Variants in KCNQ5 observed in about 807,000 individuals in gnomAD.
KCNQ5 encodes the protein potassium voltage-gated channel subfamily KQT member 5.
Under a neutral mutation model 98.2 loss-of-function variants are expected in KCNQ5, and 30 were observed. That is an observed-to-expected ratio of 0.31 (90% confidence interval 0.23 to 0.41). The LOEUF (loss-of-function observed/expected upper bound fraction) is 0.41, where lower values mean the gene tolerates loss of function less well. Ranked by LOEUF, KCNQ5 falls within the 10% of genes least tolerant of loss-of-function variation. The pLI, the probability that KCNQ5 is intolerant of heterozygous loss-of-function variation, is 1.00. For synonymous variants in KCNQ5, 458 were observed against 449.4 expected (o/e 1.02, Z -0.24); for missense variants, 835 against 1,182.5 (o/e 0.71, Z 4.31).
At chr6:72,674,703 G>C (rs534704374) in intron 1 of KCNQ5, among the ~76,000 whole-genome samples, 3 of 152,276 alleles carry the variant, frequency 2.0e-5, no homozygotes, top group Non-Finnish European at 4.4e-5. Context: ...CTGGGAGGCA[G>C]AGGTTGCAGT....
chr6:73,034,745 T>A (rs1771312903), intron 2 of KCNQ5, among the ~76,000 whole-genome samples: 1 of 152,184 alleles, frequency 6.6e-6, no homozygotes, highest in African/African-American at 2.4e-5. Context: ...TGAAGAGGCT[T>A]CTTTAATGCC....
At chr6:72,701,226 A>G (rs564606343) in intron 1 of KCNQ5, among the ~76,000 whole-genome samples, 2 of 152,324 alleles carry the variant, frequency 1.3e-5, no homozygotes, top group South Asian at 2.1e-4. Flanking sequence ...TATTCATGAG[A>G]ATTTAACAAA....
rs957383554 is a variant in KCNQ5, at chr6:72,635,906, G to T, written c.398+13319G>T. On this transcript the variant is annotated intron_variant, in intron 1 of 13. Transcript: ENST00000370398. Reference sequence around the variant, plus strand: ...TTAATAGAGACTTCTAGAAAATGTGGATTTTAGAAATATAAGGGGAGAACC... The same window carrying T: ...TTAATAGAGACTTCTAGAAAATGTGTATTTTAGAAATATAAGGGGAGAACC... 3.3e-5 allele frequency among the ~76,000 whole-genome samples: 5 copies of T among 151,804 alleles called. No homozygotes were observed. In the South Asian group the frequency reaches 6.2e-4, roughly 19 times the overall value.
intron 7 of KCNQ5, among the ~76,000 whole-genome samples, chr6:73,115,906 C>T (rs1775470607): frequency 6.6e-6 from 1 of 152,176 alleles, no homozygotes; most frequent in East Asian, 1.9e-4. Flanking sequence ...AAGACAACAG[C>T]TATGCAGGCC....
chr6:73,194,491 A>C lies in KCNQ5; in HGVS notation c.1876A>C (p.Ile626Leu). The change falls in exon 14 of 14, where the codon ATC becomes CTC. Residue 626 changes from isoleucine to leucine, a missense_variant. Physicochemically the swap from Ile to Leu is conservative, Grantham distance 5. Around this residue, in one of 10 missense-constraint regions of KCNQ5, gnomAD observed 416 missense variants for 446.9 expected, o/e 0.93. Coordinates refer to ENST00000370398, the MANE Select transcript of KCNQ5 (RefSeq NM_019842.4). ...IESKLDCLLD[I>L]YQQVLRKGSA... ...ATCCAAGCTGGACTGCCTACTAGAC[A>C]TCTATCAACAGGTCCTTCGGAAAGG... 6.2e-7 allele frequency: 1 copy of C among 1,614,180 alleles called. No individual in the cohort carries two copies. Among genetic ancestry groups the C allele is most frequent in the South Asian group, 1.1e-5 (1 of 91,086 alleles).
At chr6:72,764,001 T>A (rs1323987131) in intron 1 of KCNQ5, among the ~76,000 whole-genome samples, 1 of 151,932 alleles carries the variant, frequency 6.6e-6, no homozygotes, top group East Asian at 1.9e-4. Flanking sequence ...GTAAAATGAT[T>A]CAGTACCTCT....
intron 1 of KCNQ5, among the ~76,000 whole-genome samples, chr6:72,800,369 G>A (rs1000048612): frequency 3.3e-5 from 5 of 152,190 alleles, no homozygotes; most frequent in African/African-American, 1.2e-4. Flanking sequence ...TGTATGTGTC[G>A]AGGAATTTAT....
intron 1 of KCNQ5, among the ~76,000 whole-genome samples, chr6:72,682,619 C>G (rs1039650657): frequency 2.6e-5 from 4 of 152,214 alleles, no homozygotes; most frequent in African/African-American, 9.7e-5. Flanking sequence ...AAGTACTCCT[C>G]TTATACCCCT....
At chr6:72,962,236 TACACATATATATATAC>T (rs1172544282) in intron 1 of KCNQ5, among the ~76,000 whole-genome samples, 2 of 143,792 alleles carry the variant, frequency 1.4e-5, no homozygotes, top group African/African-American at 5.2e-5. Context: ...TATATATATA[TACACATATATATATAC>T]ACACATATAT....
rs138625907 is a variant in KCNQ5, at chr6:73,119,625, G to A, written c.1126-858G>A. Reference sequence around the variant, plus strand: ...ACTATCTTCATTTTTAGCATTAGAAGTATTACATAGTTCAAGGATTTCATT... The same window carrying A: ...ACTATCTTCATTTTTAGCATTAGAAATATTACATAGTTCAAGGATTTCATT... On this transcript the variant is annotated intron_variant, in intron 7 of 13. Coordinates refer to ENST00000370398, the MANE Select transcript of KCNQ5 (RefSeq NM_019842.4). Among the ~76,000 whole-genome samples the A allele has an allele frequency of 3.7e-3, 565 of 152,268 alleles. 3 individuals are homozygous for A. The highest frequency in any genetic ancestry group is 0.013 in the African/African-American group (521 of 41,532).
At chr6:73,013,411 AT>A (rs1770172342) in intron 2 of KCNQ5, among the ~76,000 whole-genome samples, 1 of 152,156 alleles carries the variant, frequency 6.6e-6, no homozygotes, top group Non-Finnish European at 1.5e-5. Context: ...TGGTGATAAA[AT>A]TTGTGAACTC....
intron 13 of KCNQ5, among the ~76,000 whole-genome samples, chr6:73,193,062 C>A (rs1765652949): frequency 6.7e-6 from 1 of 148,488 alleles, no homozygotes; most frequent in Non-Finnish European, 1.5e-5. Context: ...ACTCTATTGC[C>A]CAGGCTGGAG....
At chr6:72,687,929 C>G (rs1177514630) in intron 1 of KCNQ5, among the ~76,000 whole-genome samples, 4 of 151,030 alleles carry the variant, frequency 2.6e-5, no homozygotes, top group African/African-American at 9.7e-5. Flanking sequence ...ACCTCCGCCT[C>G]CCAGGTTCAA....
intron 5 of KCNQ5, among the ~76,000 whole-genome samples, chr6:73,088,601 T>C (rs575426660): frequency 1.4e-4 from 21 of 152,302 alleles, no homozygotes; most frequent in Non-Finnish European, 2.4e-4. Context: ...TTACTGATTC[T>C]AAAACCCAAA....
At chr6:72,997,315 TTCTGTTGCCA>T (rs1174956379) in intron 1 of KCNQ5, among the ~76,000 whole-genome samples, 6 of 152,090 alleles carry the variant, frequency 3.9e-5, no homozygotes, top group African/African-American at 1.2e-4. Flanking sequence ...TGTTTATGGG[TTCTGTTGCCA>T]TCTCCTAGCT....
At chr6:72,655,033 TTTC>T (rs1565060215) in intron 1 of KCNQ5, among the ~76,000 whole-genome samples, 2 of 66,184 alleles carry the variant, frequency 3.0e-5, no homozygotes, top group Non-Finnish European at 2.7e-5. Flanking sequence ...TCTGTCTTTC[TTTC>T]TTTCTTTCTT....
chr6:72,649,593 A>G lies in KCNQ5; in HGVS notation c.398+27006A>G, dbSNP rs76873255. ...TCAATCTTGGCACACAAATGACCAGAATATACAGAATCTATCTTTGCTTTA... is the reference window on the plus strand; with the variant it reads ...TCAATCTTGGCACACAAATGACCAGGATATACAGAATCTATCTTTGCTTTA... On this transcript the variant is annotated intron_variant, in intron 1 of 13. Transcript: ENST00000370398. 7.9e-3 allele frequency among the ~76,000 whole-genome samples: 1,208 copies of G among 152,262 alleles called. 16 individuals carry two copies. The highest frequency in any genetic ancestry group is 0.027 in the African/African-American group (1,142 of 41,544).
intron 11 of KCNQ5, among the ~76,000 whole-genome samples, chr6:73,170,372 G>A (rs1028673513): frequency 7.3e-5 from 11 of 151,546 alleles, no homozygotes; most frequent in African/African-American, 2.7e-4. Context: ...AGAGAGCTAA[G>A]AGAGTATACC....
chr6:72,657,410 A>G (rs1172511526), intron 1 of KCNQ5, among the ~76,000 whole-genome samples: 1 of 152,216 alleles, frequency 6.6e-6, no homozygotes, highest in Non-Finnish European at 1.5e-5. Flanking sequence ...CTCATCCTCT[A>G]TAAAAATTCA....
Sources: allele counts gnomAD v4.1 joint callset (sites outside exome capture counted in the v4.1 genomes callset), GRCh38; gene constraint gnomAD v4.1.1; regional missense constraint gnomAD v4.1.1; transcripts MANE v1.5; gene names NCBI Gene and HGNC (gene_info 2026-07-23, HGNC 2026-07-21).